The following RNF150 variants were observed in gnomAD, a reference collection of about 807,000 sequenced individuals.
RNF150 encodes ring finger protein 150.
A neutral mutation model predicts 39.3 loss-of-function variants in RNF150; 24 were observed. The observed-to-expected ratio is 0.61, with a 90% confidence interval of 0.44 to 0.86. The LOEUF is 0.86. Among genes scored for constraint, RNF150 ranks in the 40% least tolerant of loss-of-function variants. The pLI is 0.00. For synonymous variants in RNF150, 255 were observed against 227.3 expected, an observed-to-expected ratio of 1.12 and a Z score of -1.10; for missense variants, 502 against 587.8, an observed-to-expected ratio of 0.85 and a Z score of 1.51.
rs1727751072 is a variant in RNF150, at chr4:141,172,791, G to A, written c.-6+40003C>T. ...TGTAATCCCAGCACTTTGGAAGGCC[G>A]AGGTGGGCAGATCACCTGAGGTCAG... On this transcript the variant is annotated intron_variant, in intron 1 of 7. Coordinates refer to the RNF150 transcript ENST00000420921. Among the ~76,000 whole-genome samples, 7 of 152,274 alleles carry A rather than the reference G, an allele frequency of 4.6e-5. No homozygotes were observed. In the South Asian group the frequency reaches 1.2e-3, roughly 27 times the overall value.
chr4:141,053,779 G>C, intron 1 of RNF150: 1 of 1,029,810 alleles, frequency 9.7e-7, no homozygotes, highest in East Asian at 3.2e-5. Context: ...AAGTGATCCA[G>C]CTTCATTTCC....
rs147702605 is a variant in RNF150, at chr4:140,970,912, T to C, written c.485-3039A>G. ...TAAAAACAGATGAGATTTTGGGAGA[T>C]TACTCTGGTGTGCTTTAGTCTATTG... is the stretch of plus-strand genomic sequence containing the variant. On this transcript the variant is annotated intron_variant, in intron 1 of 6. Transcript: ENST00000515673. Among the ~76,000 whole-genome samples, 8 of 152,236 alleles carry C rather than the reference T, an allele frequency of 5.3e-5. No individual in the cohort carries two copies. The East Asian group carries it at 1.5e-3, about 29-fold the overall frequency.
At chr4:141,141,847 T>C (rs936284020) in intron 1 of RNF150, among the ~76,000 whole-genome samples, 1 of 152,080 alleles carries the variant, frequency 6.6e-6, no homozygotes, top group Non-Finnish European at 1.5e-5. Context: ...ATAAAAAAAC[T>C]GTGAGAAAGA....
At chr4:140,878,434 A>C (rs1729252092) in intron 6 of RNF150, among the ~76,000 whole-genome samples, 1 of 151,956 alleles carries the variant, frequency 6.6e-6, no homozygotes. Context: ...TGGCCTCCCA[A>C]AGTGCTGGGA....
chr4:141,147,116 G>A (rs904453338), intron 1 of RNF150, among the ~76,000 whole-genome samples: 1 of 152,112 alleles, frequency 6.6e-6, no homozygotes, highest in African/African-American at 2.4e-5. Flanking sequence ...CACCACACTC[G>A]GCTAATCATT....
At chr4:141,013,288 T>C (rs1397722839) in intron 1 of RNF150, among the ~76,000 whole-genome samples, 1 of 152,198 alleles carries the variant, frequency 6.6e-6, no homozygotes, top group African/African-American at 2.4e-5. Context: ...GGATACATGA[T>C]ACAATGATGG....
chr4:141,071,911 G>A (rs775556042), intron 1 of RNF150, among the ~76,000 whole-genome samples: 52 of 152,108 alleles, frequency 3.4e-4, no homozygotes, highest in Non-Finnish European at 7.4e-5. Context: ...TCTTTGTGGG[G>A]GAAAAAGAAT....
At chr4:141,002,015 G>A (rs1013618044) in intron 1 of RNF150, among the ~76,000 whole-genome samples, 11 of 151,980 alleles carry the variant, frequency 7.2e-5, no homozygotes, top group Admixed American at 1.3e-4. Flanking sequence ...TGTGATTAAT[G>A]TGTATGTATA....
At chr4:141,176,813 A>C (rs926168644) in intron 1 of RNF150, among the ~76,000 whole-genome samples, 9 of 152,212 alleles carry the variant, frequency 5.9e-5, no homozygotes, top group African/African-American at 9.6e-5. Flanking sequence ...TAATTCTACA[A>C]TATCAATTTA....
intron 1 of RNF150, among the ~76,000 whole-genome samples, chr4:141,148,640 C>G (rs1414297438): frequency 6.6e-6 from 1 of 152,082 alleles, no homozygotes; most frequent in Non-Finnish European, 1.5e-5. Context: ...AGGGTTTCAC[C>G]ATGTTGGACA....
chr4:141,204,236 T>A (rs1347959687), intron 1 of RNF150, among the ~76,000 whole-genome samples: 2 of 152,098 alleles, frequency 1.3e-5, no homozygotes, highest in African/African-American at 4.8e-5. Context: ...ACCAGCAATA[T>A]TCCACGTGAG....
At chr4:140,883,741 G>A (rs1252536728) in intron 6 of RNF150, among the ~76,000 whole-genome samples, 2 of 152,098 alleles carry the variant, frequency 1.3e-5, no homozygotes, top group Non-Finnish European at 2.9e-5. Context: ...CAATTTGATT[G>A]TAATGTGTCT....
intron 3 of RNF150, 135 bp from the exon 4 acceptor site, chr4:140,947,871 T>A: frequency 1.8e-6 from 1 of 562,614 alleles, no homozygotes; most frequent in Non-Finnish European, 3.1e-6. Context: ...AAATCAAATG[T>A]ACCATCAATT....
chr4:141,192,544 G>A (rs1052600720), intron 1 of RNF150, among the ~76,000 whole-genome samples: 3 of 152,142 alleles, frequency 2.0e-5, no homozygotes, highest in African/African-American at 7.2e-5. Flanking sequence ...GTTTAGACAG[G>A]AACATCAGGA....
At chr4:141,135,756 T>C (rs1387242850), upstream of RNF150, among the ~76,000 whole-genome samples, 1 of 152,222 alleles carries the variant, frequency 6.6e-6, no homozygotes, top group Non-Finnish European at 1.5e-5. Flanking sequence ...AGCAGGATAT[T>C]AGCCTAGTCT....
At chr4:141,140,313 A>C (rs1727098958) in intron 1 of RNF150, among the ~76,000 whole-genome samples, 1 of 151,934 alleles carries the variant, frequency 6.6e-6, no homozygotes, top group African/African-American at 2.4e-5. Context: ...ACTTCTTTTT[A>C]TTTCAGTCTT....
At chr4:141,025,458 C>G (rs1735661577) in intron 1 of RNF150, among the ~76,000 whole-genome samples, 1 of 151,620 alleles carries the variant, frequency 6.6e-6, no homozygotes, top group Admixed American at 6.6e-5. Context: ...CAAACATTTG[C>G]AGTGTTTTCT....
At chr4:141,019,691 G>A (rs549101186) in intron 1 of RNF150, among the ~76,000 whole-genome samples, 2 of 152,240 alleles carry the variant, frequency 1.3e-5, no homozygotes, top group African/African-American at 2.4e-5. Flanking sequence ...TCTGGTAAGA[G>A]CAAATATCTC....
intron 1 of RNF150, among the ~76,000 whole-genome samples, chr4:141,123,024 A>G (rs1383316364): frequency 1.3e-5 from 2 of 152,234 alleles, no homozygotes; most frequent in African/African-American, 4.8e-5. Context: ...CCAGGCACCC[A>G]CTTCATGCCA....
Sources: allele counts gnomAD v4.1 joint callset (sites outside exome capture counted in the v4.1 genomes callset), GRCh38; gene constraint gnomAD v4.1.1; transcripts MANE v1.5; gene names NCBI Gene and HGNC (gene_info 2026-07-23, HGNC 2026-07-21).